The following G3BP2 variants were observed in gnomAD, a reference collection of about 807,000 sequenced individuals.
G3BP2 encodes the protein ras GTPase-activating protein-binding protein 2.
In G3BP2, 11 loss-of-function variants were observed where a neutral mutation model predicts 56.7. The observed-to-expected ratio is 0.19, with a 90% confidence interval of 0.12 to 0.32. The LOEUF (loss-of-function observed/expected upper bound fraction) is 0.32, where lower values mean the gene tolerates loss of function less well. Among genes scored for constraint, G3BP2 ranks in the 10% least tolerant of loss-of-function variants. The pLI, the probability that G3BP2 is intolerant of heterozygous loss-of-function variation, is 1.00. For synonymous variants in G3BP2, 165 were observed against 191.6 expected, an observed-to-expected ratio of 0.86 and a Z score of 1.15; for missense variants, 340 against 610.9, an observed-to-expected ratio of 0.56 and a Z score of 4.67.
intron 3 of G3BP2, among the ~76,000 whole-genome samples, chr4:75,690,936 C>A (rs1718829234): frequency 6.6e-6 from 1 of 152,094 alleles, no homozygotes; most frequent in Admixed American, 6.6e-5. Flanking sequence ...AACCATTGAA[C>A]TGTACACTTA....
At chr4:75,685,671 A>G (rs1318544150) in intron 3 of G3BP2, among the ~76,000 whole-genome samples, 6 of 152,154 alleles carry the variant, frequency 3.9e-5, no homozygotes, top group East Asian at 1.9e-4. Flanking sequence ...TGTTGCATAC[A>G]TGGTTTTCAG....
At chr4:75,659,463 TTC>T (rs1732374562) in intron 2 of G3BP2, among the ~76,000 whole-genome samples, 1 of 152,224 alleles carries the variant, frequency 6.6e-6, no homozygotes, top group African/African-American at 2.4e-5. Context: ...AGCATCTAAT[TTC>T]TTTTTAATAT....
chr4:75,697,033 T>C lies in G3BP2; in HGVS notation c.-25+23844A>G, dbSNP rs542828715. Among the ~76,000 whole-genome samples the C allele has an allele frequency of 8.5e-5, 13 of 152,158 alleles. No homozygotes were observed. In the East Asian group the frequency reaches 2.3e-3, roughly 27 times the overall value. On this transcript the variant is annotated intron_variant, in intron 3 of 3. Coordinates refer to the G3BP2 transcript ENST00000499709. ...GGCTCATGCCTATAATCCCAGCACT[T>C]TGGGAGGCCAAGGCAGGCGGATCAC...
intron 3 of G3BP2, among the ~76,000 whole-genome samples, chr4:75,687,467 C>T (rs184201627): frequency 3.0e-4 from 45 of 152,242 alleles, no homozygotes; most frequent in Non-Finnish European, 5.7e-4. Flanking sequence ...ATGTCTTTAC[C>T]AGCTGTGTGA....
upstream of G3BP2, chr4:75,673,533 T>G: frequency 1.6e-6 from 2 of 1,231,886 alleles, no homozygotes; most frequent in Non-Finnish European, 2.0e-6. Context: ...AACCTTCCCG[T>G]GTCCCTCTGC....
At chr4:75,677,847 T>TA (rs1560409474), upstream of G3BP2, among the ~76,000 whole-genome samples, 1 of 152,194 alleles carries the variant, frequency 6.6e-6, no homozygotes, top group Non-Finnish European at 1.5e-5. Context: ...TGTTGAAACT[T>TA]AATCTCCAAT....
chr4:75,665,846 C>T (rs1051334930), intron 1 of G3BP2, among the ~76,000 whole-genome samples: 12 of 152,164 alleles, frequency 7.9e-5, no homozygotes, highest in East Asian at 1.9e-4. Context: ...GAAAATACTA[C>T]ATTACTCTCT....
rs1560605499 is a variant in G3BP2, at chr4:75,643,691, T to C, written c.*1739A>G. On this transcript the variant is annotated 3_prime_UTR_variant, in exon 12 of 12. Coordinates refer to ENST00000359707, the MANE Select transcript of G3BP2 (RefSeq NM_203505.3). ...TACTAAATAGCAAACAGTTGCATAA[T>C]TCAGAACCAATTTGCTACTATGTCA... 1 of 152,630 alleles carries C rather than the reference T, an allele frequency of 6.6e-6. No individual in the cohort carries two copies. Among genetic ancestry groups the C allele is most frequent in the Non-Finnish European group, 1.5e-5 (1 of 68,038 alleles). The allele number at this position is 152,630 out of a possible 1,614,324, so 9.5% of individuals were successfully genotyped here.
At chr4:75,666,037 AT>A (rs539592333) in intron 1 of G3BP2, among the ~76,000 whole-genome samples, 36 of 152,186 alleles carry the variant, frequency 2.4e-4, no homozygotes, top group Non-Finnish European at 4.1e-4. Context: ...CTGATCTATC[AT>A]TTTTGTCACT....
At chr4:75,673,146 C>G in intron 1 of G3BP2, 62 bp downstream of exon 1, 1 of 1,130,936 alleles carries the variant, frequency 8.8e-7, no homozygotes, top group Non-Finnish European at 1.1e-6. Flanking sequence ...CGCCGCGGAG[C>G]GCGAATGGAA....
chr4:75,703,943 T>C (rs562652301), intron 3 of G3BP2, among the ~76,000 whole-genome samples: 2 of 152,208 alleles, frequency 1.3e-5, no homozygotes, highest in African/African-American at 4.8e-5. Flanking sequence ...GAGTAAATGC[T>C]TCTTTTGATT....
chr4:75,689,202 C>A (rs1437872647), intron 3 of G3BP2, among the ~76,000 whole-genome samples: 1 of 152,118 alleles, frequency 6.6e-6, no homozygotes, highest in Non-Finnish European at 1.5e-5. Flanking sequence ...CATGGCAAAA[C>A]CCCGTCTCTA....
At chr4:75,675,428 C>G (rs1733838562), upstream of G3BP2, among the ~76,000 whole-genome samples, 1 of 152,124 alleles carries the variant, frequency 6.6e-6, no homozygotes, top group Admixed American at 6.5e-5. Context: ...CAACAGAGGC[C>G]CGAGAATTTG....
At chr4:75,698,185 A>G (rs1330642539) in intron 3 of G3BP2, among the ~76,000 whole-genome samples, 1 of 152,160 alleles carries the variant, frequency 6.6e-6, no homozygotes, top group Non-Finnish European at 1.5e-5. Flanking sequence ...AGGGGAGCCC[A>G]CTGTAATACA....
At position 75,645,182 on chromosome 4, in the gene G3BP2, G is replaced by C. The variant is rs771577354; in HGVS notation, c.*248C>G. ...TTTTAAGTTCACTTTGTCGTAGATA[G>C]TTTAAGATATGGTCATTTCTCAGTC... On this transcript the variant is annotated 3_prime_UTR_variant, in exon 12 of 12. Transcript: ENST00000359707. 1.9e-6 allele frequency: 1 copy of C among 523,578 alleles called. No individual in the cohort carries two copies. Among genetic ancestry groups the C allele is most frequent in the East Asian group, 3.3e-5 (1 of 30,372 alleles). The allele number at this position is 523,578 out of a possible 1,614,324, so 32.4% of individuals were successfully genotyped here.
intron 2 of G3BP2, among the ~76,000 whole-genome samples, chr4:75,659,545 A>G (rs1732381903): frequency 6.6e-6 from 1 of 152,218 alleles, no homozygotes; most frequent in African/African-American, 2.4e-5. Context: ...TAGAATTAAC[A>G]TCTTTCTAAA....
Position 75,673,264 on chromosome 4 carries a change from A to G in G3BP2, c.-81T>C, listed in dbSNP as rs994957171. 4 of 1,223,404 alleles carry G rather than the reference A, an allele frequency of 3.3e-6. No homozygotes were observed. Among genetic ancestry groups the G allele is most frequent in the East Asian group, 6.4e-5 (2 of 31,204 alleles). 75.8% of individuals were successfully genotyped at this position (1,223,404 alleles called of 1,614,324 possible). A position where few individuals can be genotyped will look rare whatever the true frequency, so the allele number is the denominator to read the frequency against. ...GCGGAGGTCAGAAGAGTCGCTGAGG[A>G]CCGGGTGCGGCGGGTTCTTATTGCT... On this transcript the variant is annotated 5_prime_UTR_variant, in exon 1 of 12. Transcript: ENST00000359707.
intron 1 of G3BP2, among the ~76,000 whole-genome samples, chr4:75,667,393 C>A (rs1438041625): frequency 2.0e-5 from 3 of 151,922 alleles, no homozygotes; most frequent in Non-Finnish European, 4.4e-5. Flanking sequence ...CTACCATCTT[C>A]AATAAGGTGG....
chr4:75,680,985 T>TAA lies in G3BP2; in HGVS notation c.-24-18938_-24-18937dup, dbSNP rs60301812. 4.8e-3 allele frequency among the ~76,000 whole-genome samples: 679 copies of TAA among 142,270 alleles called. 3 individuals carry two copies. Among genetic ancestry groups the TAA allele is most frequent in the African/African-American group, 0.015 (597 of 38,608 alleles). The allele number at this position is 142,270 out of a possible 152,430, so 93.3% of individuals were successfully genotyped here. A position where few individuals can be genotyped will look rare whatever the true frequency, so the allele number is the denominator to read the frequency against. ...CCGTCTCAAAAAATAAATAAAAAATTAAAAAAAAAAAAAGAAAAACCGTGG... is the reference window on the plus strand; with the variant it reads ...CCGTCTCAAAAAATAAATAAAAAATTAAAAAAAAAAAAAAAGAAAAACCGTGG... On this transcript the variant is annotated intron_variant, in intron 3 of 3. Transcript: ENST00000499709.
Sources: gnomAD v4.1 joint callset for allele counts (sites outside exome capture counted in the v4.1 genomes callset) on GRCh38, gnomAD v4.1.1 for gene constraint, MANE v1.5 for transcripts, NCBI Gene and HGNC (gene_info 2026-07-23, HGNC 2026-07-21) for gene names.